GMPR: variants seen among roughly 807,000 people sequenced by gnomAD.
GMPR encodes guanosine monophosphate reductase, also known as GMP reductase 1.
GMPR carries 31 observed loss-of-function variants against 38.4 expected under a neutral mutation model. That is an observed-to-expected ratio of 0.81 (90% CI 0.61 to 1.09). The LOEUF is 1.09. Ranked by LOEUF, GMPR falls within the 50% of genes least tolerant of loss-of-function variation. The pLI is 0.00. For synonymous variants in GMPR, 162 were observed against 173.3 expected (o/e 0.93, Z 0.51); for missense variants, 468 against 453.7 (o/e 1.03, Z -0.29).
Position 16,295,243 on chromosome 6 carries a change from A to G in GMPR, c.*57A>G. ...GGAAGCGTCCAAACCTGCTTTTCCC[A>G]TCTCCCCCCAAGTCTGTTCCGTCAG... On this transcript the variant is annotated 3_prime_UTR_variant, in exon 9 of 9. Coordinates refer to ENST00000259727, the MANE Select transcript of GMPR (RefSeq NM_006877.4). 4 of 1,294,162 alleles carry G rather than the reference A, an allele frequency of 3.1e-6. No homozygotes were observed. Among genetic ancestry groups the G allele is most frequent in the South Asian group, 3.2e-5 (2 of 62,714 alleles). 80.2% of individuals were successfully genotyped at this position (1,294,162 alleles called of 1,614,324 possible). A position where few individuals can be genotyped will look rare whatever the true frequency, so the allele number is the denominator to read the frequency against.
At chr6:16,282,368 C>CT (rs200314381) in intron 6 of GMPR, among the ~76,000 whole-genome samples, 14 of 151,744 alleles carry the variant, frequency 9.2e-5, no homozygotes, top group South Asian at 2.1e-4. Context: ...AATAATTAAT[C>CT]TTTTTTTTTG....
chr6:16,258,042 C>T (rs1173083049), intron 4 of GMPR: 3 of 152,150 alleles, frequency 2.0e-5, no homozygotes, highest in African/African-American at 7.2e-5. Flanking sequence ...TGAGGATCCT[C>T]GTGGCTGGAG....
At chr6:16,265,425 G>C (rs1354948036) in intron 4 of GMPR, among the ~76,000 whole-genome samples, 1 of 152,174 alleles carries the variant, frequency 6.6e-6, no homozygotes, top group Non-Finnish European at 1.5e-5. Flanking sequence ...AATTTTTGCT[G>C]TTGTCCCCCA....
intron 3 of GMPR, among the ~76,000 whole-genome samples, chr6:16,251,341 C>T (rs1213842730): frequency 5.3e-5 from 8 of 152,172 alleles, no homozygotes; most frequent in African/African-American, 1.9e-4. Flanking sequence ...GAGGCCGAGT[C>T]GGGTGGATCA....
chr6:16,289,923 G>T (rs1759804039), intron 7 of GMPR: 3 of 130,420 alleles, frequency 2.3e-5, no homozygotes. Flanking sequence ...AGGTTGGAGT[G>T]CAGTGGCATG....
At chr6:16,269,893 G>T (rs1002487094) in intron 4 of GMPR, among the ~76,000 whole-genome samples, 1 of 152,192 alleles carries the variant, frequency 6.6e-6, no homozygotes, top group African/African-American at 2.4e-5. Context: ...ATCTGGTGAG[G>T]GCCGGCTTCC....
chr6:16,272,012 A>C lies in GMPR; in HGVS notation c.466-2403A>C, dbSNP rs185110671. 2.0e-3 allele frequency among the ~76,000 whole-genome samples: 312 copies of C among 152,276 alleles called. 2 individuals are homozygous for C. The highest frequency in any genetic ancestry group is 2.4e-3 in the Non-Finnish European group (165 of 68,032). On this transcript the variant is annotated intron_variant, in intron 4 of 8. Transcript: ENST00000259727. ...GATCACCTGAGGTCAGGAGTTTGAG[A>C]CCAGCCTGGCCAACTTGGTGAAACC...
In GMPR at chr6:16,267,388, ACACT is replaced by A. The variant is rs547851352; in HGVS notation, c.466-7022_466-7019del. Among the ~76,000 whole-genome samples the A allele has an allele frequency of 4.8e-4, 73 of 151,916 alleles. 1 individual carries two copies. The highest frequency in any genetic ancestry group is 1.6e-3 in the African/African-American group (67 of 41,434). ...CCGTCTCAAAAAACAAAGAGCTGTA[ACACT>A]CACTGTGAAGGTCTGTGGCTTCACT... On this transcript the variant is annotated intron_variant, in intron 4 of 8. Transcript: ENST00000259727.
chr6:16,285,017 C>CAAAAAAAAA (rs1230598044), intron 6 of GMPR, among the ~76,000 whole-genome samples: 2 of 35,098 alleles, frequency 5.7e-5, no homozygotes, highest in Non-Finnish European at 5.7e-5. Flanking sequence ...GAGACTGTCT[C>CAAAAAAAAA]AAAAAAAAAA....
intron 4 of GMPR, among the ~76,000 whole-genome samples, chr6:16,272,988 C>G (rs1759411651): frequency 1.3e-5 from 2 of 152,036 alleles, no homozygotes; most frequent in Admixed American, 6.6e-5. Context: ...ATGTAGACAG[C>G]TCTGTCATTA....
chr6:16,277,848 C>T (rs1759502227), intron 5 of GMPR, among the ~76,000 whole-genome samples: 1 of 151,976 alleles, frequency 6.6e-6, no homozygotes, highest in Non-Finnish European at 1.5e-5. Context: ...TGTACAGAGT[C>T]CCTAAGGTGG....
chr6:16,278,686 C>A, intron 5 of GMPR, 98 bp from the exon 6 acceptor site: 1 of 827,020 alleles, frequency 1.2e-6, no homozygotes, highest in Non-Finnish European at 2.1e-6. Context: ...TCACCCTGGT[C>A]CCTAAAGCAG....
intron 4 of GMPR, among the ~76,000 whole-genome samples, chr6:16,268,122 T>C (rs1581658022): frequency 1.3e-5 from 2 of 152,234 alleles, no homozygotes; most frequent in Non-Finnish European, 2.9e-5. Context: ...TCTCAGGCCG[T>C]GTTCCCTGGA....
chr6:16,281,578 TC>T (rs1361771533), intron 6 of GMPR, among the ~76,000 whole-genome samples: 1 of 152,168 alleles, frequency 6.6e-6, no homozygotes, highest in Non-Finnish European at 1.5e-5. Context: ...TGATCTCAGC[TC>T]CCTGCTAGAA....
intron 7 of GMPR, among the ~76,000 whole-genome samples, chr6:16,288,565 G>A (rs1759747798): frequency 6.6e-6 from 1 of 152,188 alleles, no homozygotes; most frequent in African/African-American, 2.4e-5. Flanking sequence ...CTGTGCGGCG[G>A]GAGCCTCCCT....
chr6:16,263,077 G>A (rs1759119144), intron 4 of GMPR: 1 of 152,044 alleles, frequency 6.6e-6, no homozygotes, highest in South Asian at 2.1e-4. Context: ...GGTCAGATGA[G>A]TCTGTAGAAA....
chr6:16,267,927 A>G (rs1284151888), intron 4 of GMPR, among the ~76,000 whole-genome samples: 1 of 152,200 alleles, frequency 6.6e-6, no homozygotes, highest in African/African-American at 2.4e-5. Flanking sequence ...TGCATGACTG[A>G]TGGCTCATTG....
At chr6:16,266,930 G>A (rs931255495) in intron 4 of GMPR, among the ~76,000 whole-genome samples, 2 of 152,068 alleles carry the variant, frequency 1.3e-5, no homozygotes, top group African/African-American at 4.8e-5. Context: ...AACACTCACT[G>A]CAAAGGTCTG....
At chr6:16,266,654 A>T in intron 4 of GMPR, among the ~76,000 whole-genome samples, 1 of 151,782 alleles carries the variant, frequency 6.6e-6, no homozygotes. Context: ...TACAAAAAAA[A>T]GAAAAAATTA....
Sources: allele counts gnomAD v4.1 joint callset (sites outside exome capture counted in the v4.1 genomes callset), GRCh38; gene constraint gnomAD v4.1.1; transcripts MANE v1.5; gene names NCBI Gene and HGNC (gene_info 2026-07-23, HGNC 2026-07-21).